Variants in RHCE observed in about 807,000 individuals in gnomAD.
RHCE encodes Rh blood group CcEe antigens.
In RHCE, 22 loss-of-function variants were observed where a neutral mutation model predicts 43.8. The observed-to-expected ratio is 0.50, with a 90% CI of 0.36 to 0.72. The LOEUF is 0.72. Ranked by LOEUF, RHCE falls within the 30% of genes least tolerant of loss-of-function variation. RHCE has a pLI of 0.00. For missense variants in RHCE, 385 were observed against 525.4 expected (o/e 0.73, Z 2.61); for synonymous variants, 156 against 210.7 (o/e 0.74, Z 2.25).
upstream of RHCE, among the ~76,000 whole-genome samples, chr1:25,424,395 G>T (rs1196929242): frequency 6.8e-6 from 1 of 147,670 alleles, no homozygotes; most frequent in Admixed American, 6.8e-5. Flanking sequence ...TTTTTGCTGT[G>T]TTTTTTTTTT....
At chr1:25,388,923 C>G in intron 6 of RHCE, 53 bp downstream of exon 6, 2 of 1,613,940 alleles carry the variant, frequency 1.2e-6, no homozygotes, top group East Asian at 2.2e-5. Context: ...CAGGTCCCAG[C>G]GTCCTGCTGG....
chr1:25,413,311 C>T lies in RHCE; in HGVS notation c.149-4442G>A, dbSNP rs192793685. Among the ~76,000 whole-genome samples the T allele has an allele frequency of 2.8e-4, 42 of 152,296 alleles. No individual in the cohort carries two copies. The East Asian group carries it at 7.0e-3, about 25-fold the overall frequency. Reference sequence around the variant, plus strand: ...CCTGCCCCCTCATCCTCCCACCTCTCTTGGGCTCCAGGCCCATTTCCACCC... The same window carrying T: ...CCTGCCCCCTCATCCTCCCACCTCTTTTGGGCTCCAGGCCCATTTCCACCC... On this transcript the variant is annotated intron_variant, in intron 1 of 9. Transcript: ENST00000294413.
chr1:25,389,206 C>G, intron 5 of RHCE, 93 bp from the exon 6 acceptor site: 1 of 1,473,624 alleles, frequency 6.8e-7, no homozygotes, highest in East Asian at 2.3e-5. Context: ...CAAGGCAACC[C>G]TGTAACATCC....
intron 1 of RHCE, among the ~76,000 whole-genome samples, chr1:25,418,349 T>C (rs1224484725): frequency 1.3e-5 from 2 of 150,990 alleles, no homozygotes; most frequent in Non-Finnish European, 2.9e-5. Flanking sequence ...CTTTGTTTTT[T>C]GTTGTTGTTG....
At position 25,420,787 on chromosome 1, in the gene RHCE, C is replaced by T. The variant is rs760795392; in HGVS notation, c.-1G>A. The T allele has an allele frequency of 1.2e-6, 2 of 1,608,324 alleles. No homozygotes were observed. Among genetic ancestry groups the T allele is most frequent in the South Asian group, 1.1e-5 (1 of 90,768 alleles). Reference sequence around the variant, plus strand: ...CAGACCGCGGGTACTTAGAGCTCATCCTGTGTCCGTCTCTGTGCAGGGGTT... The same window carrying T: ...CAGACCGCGGGTACTTAGAGCTCATTCTGTGTCCGTCTCTGTGCAGGGGTT... On this transcript the variant is annotated 5_prime_UTR_variant, in exon 1 of 10. Transcript: ENST00000294413.
At position 25,368,758 on chromosome 1, in the gene RHCE, C is replaced by T. The variant is rs1571820868; in HGVS notation, c.1227+1709G>A. On this transcript the variant is annotated intron_variant, in intron 9 of 9. Transcript: ENST00000294413. ...TTGGTTACAACACTTTAAATATGTA[C>T]AATTGTTTTGTTTTGTTTTTGAGGC... is the stretch of plus-strand genomic sequence containing the variant. Among the ~76,000 whole-genome samples the T allele has an allele frequency of 2.0e-5, 3 of 148,842 alleles. No homozygotes were observed. In the South Asian group the frequency reaches 6.4e-4, roughly 32 times the overall value.
upstream of RHCE, among the ~76,000 whole-genome samples, chr1:25,422,580 G>A (rs1216267047): frequency 1.3e-5 from 2 of 152,194 alleles, no homozygotes; most frequent in Non-Finnish European, 2.9e-5. Context: ...TATTACAAAT[G>A]AGTAAACTGA....
chr1:25,391,246 G>A (rs767761850), intron 4 of RHCE, among the ~76,000 whole-genome samples: 29 of 151,928 alleles, frequency 1.9e-4, no homozygotes, highest in Non-Finnish European at 3.4e-4. Context: ...GTGCAGTGGC[G>A]CGATCTTGGC....
At chr1:25,412,019 T>C (rs1647096136) in intron 1 of RHCE, among the ~76,000 whole-genome samples, 1 of 152,184 alleles carries the variant, frequency 6.6e-6, no homozygotes, top group South Asian at 2.1e-4. Context: ...TGAGGGGCGC[T>C]CATGACCGGG....
intron 2 of RHCE, among the ~76,000 whole-genome samples, chr1:25,408,294 GAA>G (rs1251314593): frequency 9.6e-6 from 1 of 104,118 alleles, no homozygotes; most frequent in Non-Finnish European, 2.2e-5. Context: ...TCTCAAAAAA[GAA>G]AAAAAAAAAA....
chr1:25,379,664 C>G (rs1645933286), intron 7 of RHCE, among the ~76,000 whole-genome samples: 1 of 150,846 alleles, frequency 6.6e-6, no homozygotes, highest in Non-Finnish European at 1.5e-5. Flanking sequence ...GCCACCATCT[C>G]CAGCTACGTT....
At chr1:25,383,717 T>G (rs1036478901) in intron 7 of RHCE, among the ~76,000 whole-genome samples, 1 of 152,004 alleles carries the variant, frequency 6.6e-6, no homozygotes, top group Non-Finnish European at 1.5e-5. Context: ...AACTGCTTCT[T>G]GGTCCTCAAC....
intron 2 of RHCE, among the ~76,000 whole-genome samples, chr1:25,405,099 T>C (rs990523285): frequency 6.6e-6 from 1 of 150,916 alleles, no homozygotes; most frequent in African/African-American, 2.4e-5. Context: ...CTCAGGAGGC[T>C]GTAATTCCAG....
chr1:25,372,133 G>A (rs542892080), intron 8 of RHCE, among the ~76,000 whole-genome samples: 1 of 151,640 alleles, frequency 6.6e-6, no homozygotes, highest in South Asian at 2.1e-4. Context: ...CACTTATAAC[G>A]TGCCATATAA....
At chr1:25,408,652 C>G in intron 2 of RHCE, 31 bp downstream of exon 2, 1 of 1,260,496 alleles carries the variant, frequency 7.9e-7, no homozygotes. Flanking sequence ...CCCTCTATGA[C>G]CCAGAAGTGA....
At position 25,402,778 on chromosome 1, in the gene RHCE, A is replaced by G. The variant is rs190222421; in HGVS notation, c.336-32T>C. On this transcript the variant is annotated intron_variant, in intron 2 of 9. Coordinates refer to ENST00000294413, the MANE Select transcript of RHCE (RefSeq NM_020485.8). ...GTGAGAAGGAGAGCCAGGATGACTG[A>G]GAAGGAAGGATGCCTCTCACTCATT... 1,515 of 1,613,498 alleles carry G rather than the reference A, an allele frequency of 9.4e-4. 14 individuals are homozygous for G. In the African/African-American group the frequency reaches 0.017, roughly 19 times the overall value.
intron 7 of RHCE, among the ~76,000 whole-genome samples, chr1:25,380,156 G>GC (rs1297301027): frequency 1.4e-5 from 2 of 142,866 alleles, no homozygotes; most frequent in African/African-American, 5.3e-5. Flanking sequence ...AGTGGAACAG[G>GC]CATAGGACAG....
rs1571912540 is a variant in RHCE, at chr1:25,411,592, G to C, written c.149-2723C>G. On this transcript the variant is annotated intron_variant, in intron 1 of 9. Transcript: ENST00000294413. ...ACCTGGGGATTTGGGGCGTGGGTGA[G>C]AAGTGGGCATTAGGAAGGATTCAAC... is the stretch of plus-strand genomic sequence containing the variant. 6 of 764,714 alleles carry C rather than the reference G, an allele frequency of 7.8e-6. No individual in the cohort carries two copies. The East Asian group carries it at 1.4e-4, about 18-fold the overall frequency. 47.4% of individuals were successfully genotyped at this position (764,714 alleles called of 1,614,324 possible).
rs1384612268 is a variant in RHCE at position 25,388,847 on chromosome 1, G to A, written c.939+129C>T. ...AGCCAGGATGGATCCCTCGCTAGGC[G>A]TTGAAGCCAATAAGAGAATGCACCA... On this transcript the variant is annotated intron_variant, in intron 6 of 9. Transcript: ENST00000294413. The A allele has an allele frequency of 4.8e-5, 72 of 1,485,172 alleles. 1 individual carries two copies. The highest frequency in any genetic ancestry group is 4.7e-4 in the East Asian group (20 of 42,858). The allele number at this position is 1,485,172 out of a possible 1,614,324, so 92.0% of individuals were successfully genotyped here. A position where few individuals can be genotyped will look rare whatever the true frequency, so the allele number is the denominator to read the frequency against.
Sources: allele counts gnomAD v4.1 joint callset (sites outside exome capture counted in the v4.1 genomes callset), GRCh38; gene constraint gnomAD v4.1.1; transcripts MANE v1.5; gene names NCBI Gene and HGNC (gene_info 2026-07-23, HGNC 2026-07-21).